The following COL14A1 variants were observed in gnomAD, a reference collection of about 807,000 sequenced individuals.
COL14A1 encodes collagen alpha-1(XIV) chain.
A neutral mutation model predicts 230.3 loss-of-function variants in COL14A1; 136 were observed. The ratio of observed to expected loss-of-function variants is 0.59; its 90% CI spans 0.51 to 0.68. COL14A1 has a LOEUF of 0.68. COL14A1 is among the 30% of genes least tolerant of loss of function. The pLI, the probability that COL14A1 is intolerant of heterozygous loss-of-function variation, is 0.00. For missense variants in COL14A1, 1,976 were observed against 2,215.8 expected (o/e 0.89, Z 2.17); for synonymous variants, 792 against 784.1 (o/e 1.01, Z -0.17).
intron 14 of COL14A1, among the ~76,000 whole-genome samples, chr8:120,223,527 G>A (rs185682164): frequency 5.9e-5 from 9 of 152,114 alleles, no homozygotes; most frequent in African/African-American, 1.4e-4. Flanking sequence ...AAAATTAGCC[G>A]GATCTGGTGG....
intron 2 of COL14A1, among the ~76,000 whole-genome samples, chr8:120,156,331 G>A (rs1815479028): frequency 1.3e-5 from 2 of 152,074 alleles, no homozygotes; most frequent in South Asian, 2.1e-4. Flanking sequence ...CACCACACCT[G>A]GCTAATTCTG....
At position 120,310,048 on chromosome 8, in the gene COL14A1, G is replaced by A; in HGVS notation, c.4441G>A (p.Glu1481Lys). ...CCGAGGACCAAAGGGCCAGCAAGGT[G>A]AACCGGGTCCAAAGGTAATGCGCAT... Reference protein sequence around the residue: ...GLRGPKGQQGEPGPKGPDGPR... With the variant: ...GLRGPKGQQGKPGPKGPDGPR... Residue 1481 changes from glutamate (E) to lysine (K), a missense_variant, in exon 37 of 48, where the codon GAA becomes AAA. By Grantham distance (56) the Glu-to-Lys change is moderately conservative (BLOSUM62 1). Coordinates refer to ENST00000297848, the MANE Select transcript of COL14A1 (RefSeq NM_021110.4). 6.2e-7 allele frequency: 1 copy of A among 1,613,418 alleles called. No individual in the cohort carries two copies. Among genetic ancestry groups the A allele is most frequent in the East Asian group, 2.2e-5 (1 of 44,880 alleles).
At chr8:120,342,472 T>C (rs2130272486) in intron 44 of COL14A1, 26 bp downstream of exon 44, 1 of 1,607,252 alleles carries the variant, frequency 6.2e-7, no homozygotes, top group Non-Finnish European at 8.5e-7. Context: ...TTACGGAGGA[T>C]GTTCCCCATA....
chr8:120,185,377 A>C (rs1409734652), intron 5 of COL14A1, among the ~76,000 whole-genome samples: 1 of 152,200 alleles, frequency 6.6e-6, no homozygotes, highest in Non-Finnish European at 1.5e-5. Context: ...GGCTGGGTGC[A>C]GTGGAGGTGG....
At chr8:120,238,651 G>T (rs778197991) in intron 19 of COL14A1, among the ~76,000 whole-genome samples, 1 of 152,186 alleles carries the variant, frequency 6.6e-6, no homozygotes, top group African/African-American at 2.4e-5. Flanking sequence ...GCATCATGGG[G>T]TATGAAAATA....
intron 2 of COL14A1, among the ~76,000 whole-genome samples, chr8:120,149,692 T>C (rs1226629814): frequency 6.6e-6 from 1 of 151,732 alleles, no homozygotes; most frequent in East Asian, 1.9e-4. Context: ...TTTTCATTTT[T>C]TTTTTTTTTT....
intron 45 of COL14A1, among the ~76,000 whole-genome samples, chr8:120,354,232 G>A (rs1432967323): frequency 2.7e-4 from 28 of 102,856 alleles, no homozygotes; most frequent in African/African-American, 1.0e-3. Flanking sequence ...CACACTCTGG[G>A]GACTGTTGTG....
chr8:120,370,193 A>T, intron 47 of COL14A1: 2 of 762,354 alleles, frequency 2.6e-6, no homozygotes, highest in Non-Finnish European at 2.2e-6. Context: ...TGAACTTACT[A>T]GTTAATGGGT....
intron 5 of COL14A1, among the ~76,000 whole-genome samples, chr8:120,170,797 T>G (rs550818153): frequency 6.6e-6 from 1 of 152,204 alleles, no homozygotes; most frequent in South Asian, 2.1e-4. Flanking sequence ...CTATTTTATC[T>G]AATATTAATA....
At chr8:120,314,322 T>C (rs920454231) in intron 38 of COL14A1, among the ~76,000 whole-genome samples, 3 of 152,238 alleles carry the variant, frequency 2.0e-5, no homozygotes, top group African/African-American at 7.2e-5. Context: ...CTAACTAAAT[T>C]CTTAATGGAT....
intron 1 of COL14A1, among the ~76,000 whole-genome samples, chr8:120,135,289 T>C (rs781611150): frequency 1.3e-5 from 2 of 152,076 alleles, no homozygotes; most frequent in African/African-American, 2.4e-5. Context: ...TTTGAGACAG[T>C]GTCTCCCTCT....
At chr8:120,277,156 T>C (rs1819880128) in intron 26 of COL14A1, among the ~76,000 whole-genome samples, 1 of 152,150 alleles carries the variant, frequency 6.6e-6, no homozygotes, top group African/African-American at 2.4e-5. Context: ...GTTAAGAACA[T>C]ACATTTTGAC....
chr8:120,345,282 G>T (rs1026618709), intron 44 of COL14A1, 93 bp from the exon 45 acceptor site: 39 of 1,164,266 alleles, frequency 3.3e-5, no homozygotes, highest in Admixed American at 1.4e-4. Flanking sequence ...GTATCTAACA[G>T]AATTGTTTGC....
At chr8:120,370,823 C>T in intron 47 of COL14A1, 1 of 1,357,506 alleles carries the variant, frequency 7.4e-7, no homozygotes, top group Non-Finnish European at 9.7e-7. Flanking sequence ...TGGTGATGGA[C>T]TTCTAACATG....
At chr8:120,368,551 G>C (rs1457229136) in intron 46 of COL14A1, among the ~76,000 whole-genome samples, 2 of 142,256 alleles carry the variant, frequency 1.4e-5, no homozygotes, top group Non-Finnish European at 3.0e-5. Context: ...CATTATAGTT[G>C]AAGAATGCCT....
At chr8:120,266,768 TC>T (rs1819513033) in intron 24 of COL14A1, 58 bp from the exon 25 acceptor site, 1 of 1,378,500 alleles carries the variant, frequency 7.3e-7, no homozygotes, top group African/African-American at 1.4e-5. Flanking sequence ...TCCATGACCT[TC>T]CGCTCTTCCC....
rs1820110642 is a variant in COL14A1 at position 120,283,730 on chromosome 8, G to C, written c.3919G>C (p.Glu1307Gln). The change falls in exon 32 of 48, where the codon GAG becomes CAG. Residue 1307 changes from glutamate (E) to glutamine (Q), a missense_variant. By Grantham distance (29) the Glu-to-Gln change is conservative (BLOSUM62 2). This residue lies in a region of COL14A1 where 1,791 missense variants were observed against 2,019.5 expected (regional missense o/e 0.89). Coordinates refer to ENST00000297848, the MANE Select transcript of COL14A1 (RefSeq NM_021110.4). ...DTPQEPFALW[E>Q]ILNKNSDPLV... ...TCCACAGGAGCCATTTGCTCTTTGG[G>C]AGATTTTAAATAAAAATTCTGACCC... 3 of 1,613,004 alleles carry C rather than the reference G, an allele frequency of 1.9e-6. 1 individual carries two copies. The South Asian group carries it at 3.3e-5, about 18-fold the overall frequency.
At chr8:120,152,161 G>A (rs1349195809) in intron 2 of COL14A1, among the ~76,000 whole-genome samples, 1 of 151,946 alleles carries the variant, frequency 6.6e-6, no homozygotes, top group African/African-American at 2.4e-5. Context: ...GATAATCAAC[G>A]AATATAGCTA....
At position 120,332,137 on chromosome 8, in the gene COL14A1, C is replaced by T; in HGVS notation, c.4660-4C>T. 1 of 1,614,046 alleles carries T rather than the reference C, an allele frequency of 6.2e-7. No individual in the cohort carries two copies. The highest frequency in any genetic ancestry group is 1.6e-4 in the Middle Eastern group (1 of 6,062). On this transcript the variant is annotated splice_region_variant and splice_polypyrimidine_tract_variant and intron_variant, in intron 40 of 47. Coordinates refer to ENST00000297848, the MANE Select transcript of COL14A1 (RefSeq NM_021110.4). ...TGCTGACATGCTGTGTTTCTTTTCG[C>T]CAGGGCCTTCCGGGAAAGGATGGAT...
Sources: allele counts gnomAD v4.1 joint callset (sites outside exome capture counted in the v4.1 genomes callset), GRCh38; gene constraint gnomAD v4.1.1; regional missense constraint gnomAD v4.1.1; transcripts MANE v1.5; gene names NCBI Gene and HGNC (gene_info 2026-07-23, HGNC 2026-07-21).